Variants in HDAC2 observed in about 807,000 individuals in gnomAD.
The protein encoded by HDAC2 is YY1-associated factor 1.
Under a neutral mutation model 68.5 loss-of-function variants are expected in HDAC2, and 5 were observed. The ratio of observed to expected loss-of-function variants is 0.07; its 90% CI spans 0.04 to 0.15. The LOEUF (loss-of-function observed/expected upper bound fraction) is 0.15, where lower values mean the gene tolerates loss of function less well. HDAC2 is among the 10% of genes least tolerant of loss of function. HDAC2 has a pLI of 1.00. For synonymous variants in HDAC2, 182 were observed against 191.3 expected, an observed-to-expected ratio of 0.95 and a Z score of 0.40; for missense variants, 291 against 600.8, an observed-to-expected ratio of 0.48 and a Z score of 5.39.
chr6:113,971,100 C>T lies in HDAC2; in HGVS notation c.-192G>A, dbSNP rs1471276411. The T allele has an allele frequency of 3.2e-6, 5 of 1,547,192 alleles. No homozygotes were observed. Among genetic ancestry groups the T allele is most frequent in the Non-Finnish European group, 4.4e-6 (5 of 1,144,650 alleles). On this transcript the variant is annotated 5_prime_UTR_variant, in exon 1 of 14. Coordinates refer to ENST00000519065, the MANE Select transcript of HDAC2 (RefSeq NM_001527.4). ...GCTCGGTACCACCCGGCAGAGGTGC[C>T]GAAAGCTCGGAATCGGAGGTGGCAG...
At position 113,970,982 on chromosome 6, in the gene HDAC2, G is replaced by A. The variant is rs780834229; in HGVS notation, c.-74C>T. 79 of 1,569,626 alleles carry A rather than the reference G, an allele frequency of 5.0e-5. No individual in the cohort carries two copies. The highest frequency in any genetic ancestry group is 6.7e-5 in the Non-Finnish European group (77 of 1,157,560). ...GCTGCTGCTGCTGCCGCCGCGGCTCGGCCGGGAGAGAAAAGGGCTGAGGGA... is the reference window on the plus strand; with the variant it reads ...GCTGCTGCTGCTGCCGCCGCGGCTCAGCCGGGAGAGAAAAGGGCTGAGGGA... On this transcript the variant is annotated 5_prime_UTR_variant, in exon 1 of 14. Transcript: ENST00000519065.
chr6:113,946,206 T>C, intron 8 of HDAC2, 58 bp from the exon 9 acceptor site: 1 of 1,429,814 alleles, frequency 7.0e-7, no homozygotes, highest in African/African-American at 1.4e-5. Flanking sequence ...GTTCGAAAAA[T>C]AAATTTTAAA....
At chr6:113,947,919 T>C (rs1776301229) in intron 8 of HDAC2, 6 of 152,154 alleles carry the variant, frequency 3.9e-5, no homozygotes, top group Admixed American at 3.3e-4. Context: ...ATTCTCCACA[T>C]CTTAGAGAAT....
intron 12 of HDAC2, among the ~76,000 whole-genome samples, chr6:113,942,263 T>C (rs1203749218): frequency 6.6e-6 from 1 of 152,082 alleles, no homozygotes; most frequent in Non-Finnish European, 1.5e-5. Flanking sequence ...CAGTCATGGC[T>C]TGAATTTTTG....
chr6:113,950,181 G>A (rs1023929298), intron 6 of HDAC2, among the ~76,000 whole-genome samples: 2 of 151,974 alleles, frequency 1.3e-5, no homozygotes, highest in East Asian at 3.8e-4. Context: ...AAGACGCAAA[G>A]GTTCCAGCTA....
chr6:113,959,818 C>T, intron 2 of HDAC2, 88 bp downstream of exon 2: 1 of 670,690 alleles, frequency 1.5e-6, no homozygotes, highest in South Asian at 1.9e-5. Flanking sequence ...TAAATGCCCT[C>T]AAAAGGGGAA....
Position 113,940,108 on chromosome 6 carries a change from T to C in HDAC2, c.*950A>G, listed in dbSNP as rs1424105442. 6.6e-6 allele frequency: 1 copy of C among 152,200 alleles called. No homozygotes were observed. Among genetic ancestry groups the C allele is most frequent in the Non-Finnish European group, 1.5e-5 (1 of 68,030 alleles). 9.4% of individuals were successfully genotyped at this position (152,200 alleles called of 1,614,324 possible). A position where few individuals can be genotyped will look rare whatever the true frequency, so the allele number is the denominator to read the frequency against. On this transcript the variant is annotated 3_prime_UTR_variant, in exon 14 of 14. Coordinates refer to ENST00000519065, the MANE Select transcript of HDAC2 (RefSeq NM_001527.4). ...GCTACTAGAATGTAAGCTCTGAGTG[T>C]AAGCTCTGAGTGAAAGCATTTTTCC...
intron 10 of HDAC2, 51 bp from the exon 11 acceptor site, chr6:113,944,461 T>C (rs1776221520): frequency 6.6e-7 from 1 of 1,504,276 alleles, no homozygotes; most frequent in Non-Finnish European, 9.2e-7. Flanking sequence ...TCTTTGCAGT[T>C]CTTACATGCA....
At chr6:113,962,917 T>C (rs1265275200) in intron 1 of HDAC2, among the ~76,000 whole-genome samples, 2 of 144,882 alleles carry the variant, frequency 1.4e-5, no homozygotes, top group Non-Finnish European at 3.0e-5. Context: ...TGAGCCGAGA[T>C]CGTGCCACTG....
chr6:113,955,500 G>A (rs184746569), intron 5 of HDAC2, among the ~76,000 whole-genome samples: 118 of 151,912 alleles, frequency 7.8e-4, no homozygotes, highest in Middle Eastern at 6.8e-3. Context: ...CATGAGCCAC[G>A]GCACTGGCCT....
Position 113,940,795 on chromosome 6 carries a change from G to A in HDAC2, c.*263C>T. On this transcript the variant is annotated 3_prime_UTR_variant, in exon 14 of 14. Coordinates refer to ENST00000519065, the MANE Select transcript of HDAC2 (RefSeq NM_001527.4). The stretch of plus-strand genomic sequence containing the variant: ...AGAAAGGCCAATTACTTCTTTAATA[G>A]ATCAGTTTTTTTGACATAATAACTC... 1 of 337,158 alleles carries A rather than the reference G, an allele frequency of 3.0e-6. No individual in the cohort carries two copies. Among genetic ancestry groups the A allele is most frequent in the Non-Finnish European group, 5.3e-6 (1 of 186,962 alleles). 20.9% of individuals were successfully genotyped at this position (337,158 alleles called of 1,614,324 possible).
intron 1 of HDAC2, among the ~76,000 whole-genome samples, chr6:113,962,545 C>A (rs73766806): frequency 0.092 from 14,025 of 152,166 alleles, 806 homozygotes; most frequent in Non-Finnish European, 0.12. Flanking sequence ...TATACGAATA[C>A]GCATAGCTTT....
chr6:113,957,976 A>G lies in HDAC2; in HGVS notation c.283+673T>C, dbSNP rs1014104596. On this transcript the variant is annotated intron_variant, in intron 3 of 13. Coordinates refer to ENST00000519065, the MANE Select transcript of HDAC2 (RefSeq NM_001527.4). ...AACAAATCAAACAAGATATGGCAGA[A>G]ATGTGTATGAGGTTGTAAATATGAG... Among the ~76,000 whole-genome samples the G allele has an allele frequency of 2.6e-5, 4 of 152,212 alleles. No individual in the cohort carries two copies. The East Asian group carries it at 7.7e-4, about 29-fold the overall frequency.
Position 113,967,254 on chromosome 6 carries a change from G to A in HDAC2, c.52+3603C>T, listed in dbSNP as rs1003183106. Among the ~76,000 whole-genome samples the A allele has an allele frequency of 3.9e-5, 6 of 152,082 alleles. No individual in the cohort carries two copies. The East Asian group carries it at 5.8e-4, about 15-fold the overall frequency. ...AGCCATTCTCCTGCCTCAGCCTCCC[G>A]AGTAACTGGGACTACTGGTGCCTGC... is the stretch of plus-strand genomic sequence containing the variant. On this transcript the variant is annotated intron_variant, in intron 1 of 13. Coordinates refer to ENST00000519065, the MANE Select transcript of HDAC2 (RefSeq NM_001527.4).
In HDAC2 at chr6:113,944,293, G is replaced by T; in HGVS notation, c.1209C>A (p.Asp403Glu). 1 of 1,611,734 alleles carries T rather than the reference G, an allele frequency of 6.2e-7. No homozygotes were observed. Among genetic ancestry groups the T allele is most frequent in the Non-Finnish European group, 8.5e-7 (1 of 1,178,088 alleles). ...DSGDEDGEDP[D>E]KRISIRASDK... ...GCATTATCTTACTAGAAATTCTCTT[G>T]TCTGGATCTTCTCCATCTTCATCTC... The change falls in exon 11 of 14, where the codon GAC (aspartate) becomes GAA (glutamate). Residue 403 changes from aspartate (D) to glutamate (E), a missense_variant. Asp to Glu is a conservative substitution (Grantham distance 45, BLOSUM62 2). Transcript: ENST00000519065.
chr6:113,944,025 A>G (rs928866322), intron 11 of HDAC2, among the ~76,000 whole-genome samples: 1 of 152,228 alleles, frequency 6.6e-6, no homozygotes, highest in African/African-American at 2.4e-5. Context: ...TGTCTTATTA[A>G]TTTCCAAATA....
At chr6:113,952,653 C>CA (rs1019409510) in intron 6 of HDAC2, among the ~76,000 whole-genome samples, 5 of 152,040 alleles carry the variant, frequency 3.3e-5, no homozygotes, top group South Asian at 4.2e-4. Context: ...TGTAGTGAGG[C>CA]AAAAAACCTT....
chr6:113,941,216 T>C lies in HDAC2; in HGVS notation c.1437-128A>G, dbSNP rs554922701. ...ACATTAATTGATAATGTCTTAAGTG[T>C]TTCTGGAGTAATTAATGCCTTAATT... On this transcript the variant is annotated intron_variant, in intron 13 of 13. Transcript: ENST00000519065. The C allele has an allele frequency of 5.2e-6, 3 of 572,996 alleles. No individual in the cohort carries two copies. The South Asian group carries it at 9.9e-5, about 19-fold the overall frequency. The allele number at this position is 572,996 out of a possible 1,614,324, so 35.5% of individuals were successfully genotyped here.
At chr6:113,948,869 TAC>T in intron 8 of HDAC2, 108 bp downstream of exon 8, 2 of 1,163,816 alleles carry the variant, frequency 1.7e-6, no homozygotes, top group Non-Finnish European at 2.4e-6. Context: ...AAATGCAGAG[TAC>T]AGTGTTAAAA....
Sources: gnomAD v4.1 joint callset for allele counts (sites outside exome capture counted in the v4.1 genomes callset) on GRCh38, gnomAD v4.1.1 for gene constraint, MANE v1.5 for transcripts, NCBI Gene and HGNC (gene_info 2026-07-23, HGNC 2026-07-21) for gene names.